Variants in POLR1F observed in about 807,000 individuals in gnomAD.
POLR1F encodes the protein RNA polymerase I subunit F, also known as DNA-directed RNA polymerase I subunit RPA43.
In POLR1F, 23 loss-of-function variants were observed where a neutral mutation model predicts 21.8. That is an observed-to-expected ratio of 1.05 (90% CI 0.76 to 1.49). POLR1F has a LOEUF of 1.49. Among genes scored for constraint, POLR1F ranks in the 40% most tolerant of loss-of-function variants. POLR1F has a pLI of 0.00. For synonymous variants in POLR1F, 162 were observed against 152.8 expected, an observed-to-expected ratio of 1.06 and a Z score of -0.45; for missense variants, 435 against 412.1, an observed-to-expected ratio of 1.06 and a Z score of -0.48.
rs183986653 is a variant in POLR1F, at chr7:19,698,418, G to A, written c.915C>T (p.Asp305=). The part of the protein sequence containing the change: ...QGSDSSGYQS[D]HKKKKKKRKH... ...TTCTTTTCTTTTTTTTCTTTTTATG[G>A]TCACTTTGGTAACCACTGGAGTCAC... is the stretch of plus-strand genomic sequence containing the variant. The change falls in exon 4 of 4, where the codon GAC becomes GAT. Residue 305 remains aspartate, a synonymous_variant. Transcript: ENST00000222567. The A allele has an allele frequency of 3.3e-5, 53 of 1,607,740 alleles. No homozygotes were observed. Among genetic ancestry groups the A allele is most frequent in the Non-Finnish European group, 4.5e-5 (53 of 1,178,096 alleles).
intron 3 of POLR1F, among the ~76,000 whole-genome samples, chr7:19,699,294 T>A (rs769185575): frequency 1.5e-4 from 23 of 152,166 alleles, no homozygotes; most frequent in Non-Finnish European, 3.1e-4. Context: ...ATCGATGAAG[T>A]AGCTTTCTCT....
chr7:19,703,189 T>C (rs1414281723), intron 2 of POLR1F, among the ~76,000 whole-genome samples: 2 of 152,092 alleles, frequency 1.3e-5, no homozygotes, highest in African/African-American at 4.8e-5. Context: ...CTCAAAAACA[T>C]GCTGATCAAA....
chr7:19,702,814 A>G (rs542477203), intron 2 of POLR1F, among the ~76,000 whole-genome samples: 18 of 152,354 alleles, frequency 1.2e-4, no homozygotes, highest in African/African-American at 3.8e-4. Context: ...GGAAATGCAA[A>G]TTAAAACCAT....
At chr7:19,705,806 G>A (rs1198024606) in intron 1 of POLR1F, among the ~76,000 whole-genome samples, 2 of 152,098 alleles carry the variant, frequency 1.3e-5, no homozygotes, top group African/African-American at 4.8e-5. Flanking sequence ...TGAGATCTCA[G>A]CACTGCACTC....
chr7:19,700,631 G>A (rs980319726), intron 2 of POLR1F, among the ~76,000 whole-genome samples: 2 of 152,142 alleles, frequency 1.3e-5, no homozygotes, highest in Non-Finnish European at 2.9e-5. Flanking sequence ...ATTCCTTAGG[G>A]AGGACAGTAT....
rs144783366 is a variant in POLR1F at position 19,698,269 on chromosome 7, T to C, written c.*47A>G. 1.1e-4 allele frequency: 157 copies of C among 1,493,368 alleles called. 1 individual carries two copies. The East Asian group carries it at 2.6e-3, about 25-fold the overall frequency. 92.5% of individuals were successfully genotyped at this position (1,493,368 alleles called of 1,614,324 possible). ...ATCACTGAAAACATTTATTCATCTATTGTATGTAGATCGATCTTTTAAAAA... is the reference window on the plus strand; with the variant it reads ...ATCACTGAAAACATTTATTCATCTACTGTATGTAGATCGATCTTTTAAAAA... On this transcript the variant is annotated 3_prime_UTR_variant, in exon 4 of 4. Transcript: ENST00000222567.
chr7:19,698,247 A>G lies in POLR1F; in HGVS notation c.*69T>C. On this transcript the variant is annotated 3_prime_UTR_variant, in exon 4 of 4. Coordinates refer to ENST00000222567, the MANE Select transcript of POLR1F (RefSeq NM_001002926.2). ...CTGGCATACTTAACCTTTTCATATCACTGAAAACATTTATTCATCTATTGT... is the reference window on the plus strand; with the variant it reads ...CTGGCATACTTAACCTTTTCATATCGCTGAAAACATTTATTCATCTATTGT... The G allele has an allele frequency of 7.3e-7, 1 of 1,373,806 alleles. No homozygotes were observed. The highest frequency in any genetic ancestry group is 2.5e-5 in the East Asian group (1 of 40,018). The allele number at this position is 1,373,806 out of a possible 1,614,324, so 85.1% of individuals were successfully genotyped here.
intron 2 of POLR1F, 184 bp from the exon 3 acceptor site, chr7:19,700,464 T>C (rs1783434142): frequency 5.2e-6 from 3 of 576,340 alleles, no homozygotes; most frequent in Admixed American, 3.0e-5. Context: ...AACATCACTT[T>C]AGAATACCAC....
intron 2 of POLR1F, among the ~76,000 whole-genome samples, chr7:19,701,644 T>C (rs1465919097): frequency 6.6e-6 from 1 of 152,180 alleles, no homozygotes; most frequent in African/African-American, 2.4e-5. Context: ...GAGTAAATAC[T>C]AGGGACAATA....
chr7:19,695,834 T>A lies in POLR1F; in HGVS notation c.*2482A>T, dbSNP rs1397068917. The A allele has an allele frequency of 6.6e-6, 1 of 152,190 alleles. No homozygotes were observed. The highest frequency in any genetic ancestry group is 2.4e-5 in the African/African-American group (1 of 41,468). The allele number at this position is 152,190 out of a possible 1,614,324, so 9.4% of individuals were successfully genotyped here. A position where few individuals can be genotyped will look rare whatever the true frequency, so the allele number is the denominator to read the frequency against. On this transcript the variant is annotated 3_prime_UTR_variant, in exon 4 of 4. Coordinates refer to ENST00000222567, the MANE Select transcript of POLR1F (RefSeq NM_001002926.2). ...CCTGGAATGCCACAGCTAGTTTTTC[T>A]TCTCCAAGGGTCAAAATGCTGCTCT...
chr7:19,708,725 C>T (rs763543401), intron 1 of POLR1F, 38 bp downstream of exon 1: 4 of 1,581,600 alleles, frequency 2.5e-6, no homozygotes, highest in East Asian at 2.3e-5. Context: ...GCTTTACTTC[C>T]CGTGCACAAA....
At chr7:19,702,527 G>C (rs192615228) in intron 2 of POLR1F, among the ~76,000 whole-genome samples, 7 of 152,182 alleles carry the variant, frequency 4.6e-5, no homozygotes, top group Admixed American at 3.9e-4. Context: ...CTTTGATAGG[G>C]TCCAGAAAGC....
In POLR1F at chr7:19,707,067, T is replaced by C. The variant is rs1041780179; in HGVS notation, c.254+1696A>G. Among the ~76,000 whole-genome samples, 12 of 152,312 alleles carry C rather than the reference T, an allele frequency of 7.9e-5. No individual in the cohort carries two copies. In the Middle Eastern group the frequency reaches 0.01, roughly 130 times the overall value. On this transcript the variant is annotated intron_variant, in intron 1 of 3. Coordinates refer to ENST00000222567, the MANE Select transcript of POLR1F (RefSeq NM_001002926.2). ...ACAGAAAACAAGATAGTTGCTTGTGTTTCCAAATGTTATGACTACTTTGTA... is the reference window on the plus strand; with the variant it reads ...ACAGAAAACAAGATAGTTGCTTGTGCTTCCAAATGTTATGACTACTTTGTA...
intron 1 of POLR1F, among the ~76,000 whole-genome samples, chr7:19,706,230 A>C (rs1417078988): frequency 1.3e-5 from 2 of 152,214 alleles, no homozygotes; most frequent in East Asian, 3.8e-4. Flanking sequence ...TTACTCGGGA[A>C]AGCAATTTTC....
chr7:19,707,834 G>A lies in POLR1F; in HGVS notation c.254+929C>T, dbSNP rs548609197. On this transcript the variant is annotated intron_variant, in intron 1 of 3. Transcript: ENST00000222567. ...AAACATACAAGAAGTGTATATTGGTGCTTGGAAGAATCTGCAGATTCTAGA... is the reference window on the plus strand; with the variant it reads ...AAACATACAAGAAGTGTATATTGGTACTTGGAAGAATCTGCAGATTCTAGA... Among the ~76,000 whole-genome samples, 14 of 152,266 alleles carry A rather than the reference G, an allele frequency of 9.2e-5. No homozygotes were observed. The South Asian group carries it at 2.7e-3, about 29-fold the overall frequency.
At chr7:19,704,706 A>C in intron 2 of POLR1F, 73 bp downstream of exon 2, 13 of 1,348,350 alleles carry the variant, frequency 9.6e-6, no homozygotes, top group Non-Finnish European at 1.3e-5. Context: ...GGTATATATT[A>C]TCTCTTAAAA....
At chr7:19,701,047 G>C (rs558473371) in intron 2 of POLR1F, among the ~76,000 whole-genome samples, 1 of 152,070 alleles carries the variant, frequency 6.6e-6, no homozygotes, top group African/African-American at 2.4e-5. Flanking sequence ...AAATAATGCC[G>C]ATGTGTATAC....
At chr7:19,708,460 T>TCCAGTAGGC (rs1315316940) in intron 1 of POLR1F, among the ~76,000 whole-genome samples, 1 of 152,188 alleles carries the variant, frequency 6.6e-6, no homozygotes, top group Non-Finnish European at 1.5e-5. Flanking sequence ...CTACTAGGTC[T>TCCAGTAGGC]CCAGATCCCT....
At position 19,698,207 on chromosome 7, in the gene POLR1F, C is replaced by T; in HGVS notation, c.*109G>A. 1 of 1,015,902 alleles carries T rather than the reference C, an allele frequency of 9.8e-7. No individual in the cohort carries two copies. Among genetic ancestry groups the T allele is most frequent in the South Asian group, 3.0e-5 (1 of 32,928 alleles). The allele number at this position is 1,015,902 out of a possible 1,614,324, so 62.9% of individuals were successfully genotyped here. On this transcript the variant is annotated 3_prime_UTR_variant, in exon 4 of 4. Coordinates refer to ENST00000222567, the MANE Select transcript of POLR1F (RefSeq NM_001002926.2). ...CCTCCTACTCCTAGTTAAGTATTTT[C>T]TGTTTTGTAAACTACTGGCATACTT...
Sources: allele counts gnomAD v4.1 joint callset (sites outside exome capture counted in the v4.1 genomes callset), GRCh38; gene constraint gnomAD v4.1.1; transcripts MANE v1.5; gene names NCBI Gene and HGNC (gene_info 2026-07-23, HGNC 2026-07-21).